The following CES5A variants were observed in gnomAD, a reference collection of about 807,000 sequenced individuals.
CES5A encodes carboxylesterase 5.
Under a neutral mutation model 62.9 loss-of-function variants are expected in CES5A, and 67 were observed. The ratio of observed to expected loss-of-function variants is 1.07; its 90% confidence interval spans 0.88 to 1.31. CES5A has a LOEUF of 1.31. CES5A is among the 50% of genes most tolerant of loss of function. CES5A has a pLI of 0.00. For missense variants in CES5A, 748 were observed against 708.5 expected (o/e 1.06, Z -0.63); for synonymous variants, 296 against 280.8 (o/e 1.05, Z -0.54).
At chr16:55,847,372 TTC>T (rs1190475876) in intron 11 of CES5A, among the ~76,000 whole-genome samples, 4 of 151,774 alleles carry the variant, frequency 2.6e-5, no homozygotes, top group South Asian at 2.1e-4. Flanking sequence ...TCTCTCTTGC[TTC>T]TCTCTCTTTT....
chr16:55,890,504 A>T (rs2033865346), intron 1 of CES5A, among the ~76,000 whole-genome samples: 1 of 152,166 alleles, frequency 6.6e-6, no homozygotes, highest in African/African-American at 2.4e-5. Flanking sequence ...AAAAGTAGGG[A>T]ATACTTCCAA....
chr16:55,955,303 A>C (rs1296048974), intron 1 of CES5A, among the ~76,000 whole-genome samples: 1 of 152,188 alleles, frequency 6.6e-6, no homozygotes, highest in Non-Finnish European at 1.5e-5. Context: ...AAATTTTTTT[A>C]ATAAGTAATT....
chr16:55,861,577 G>T (rs1597117371), intron 6 of CES5A, 61 bp from the exon 7 acceptor site: 2 of 1,209,562 alleles, frequency 1.7e-6, no homozygotes, highest in Non-Finnish European at 2.4e-6. Context: ...GAAAATGAAA[G>T]CTTGAAAATG....
chr16:55,910,774 C>T (rs1350678390), intron 1 of CES5A, among the ~76,000 whole-genome samples: 2 of 152,054 alleles, frequency 1.3e-5, no homozygotes, highest in Non-Finnish European at 2.9e-5. Flanking sequence ...TGCCTACATC[C>T]CCTTGGTGCC....
chr16:55,948,643 A>C (rs1458924886), intron 2 of CES5A, among the ~76,000 whole-genome samples: 1 of 152,166 alleles, frequency 6.6e-6, no homozygotes, highest in Admixed American at 6.5e-5. Flanking sequence ...TCCAAGCTTA[A>C]CTTTTCCCTT....
chr16:55,948,753 T>C (rs747142487), intron 2 of CES5A, among the ~76,000 whole-genome samples: 1 of 152,058 alleles, frequency 6.6e-6, no homozygotes, highest in African/African-American at 2.4e-5. Context: ...GACCTAGGGG[T>C]TGGCATTCCA....
At chr16:55,871,031 T>C (rs1290684015) in intron 3 of CES5A, among the ~76,000 whole-genome samples, 2 of 152,246 alleles carry the variant, frequency 1.3e-5, no homozygotes, top group East Asian at 1.9e-4. Flanking sequence ...TGGGTTAGCA[T>C]GGGAGTTAAA....
In CES5A at chr16:55,846,890, G is replaced by T. The variant is rs76427577; in HGVS notation, c.1424-50C>A. On this transcript the variant is annotated intron_variant, in intron 11 of 12. Transcript: ENST00000290567. ...TGCTGCTCTGGGTGAGGCTCGGGAA[G>T]CCCCGGGTGCCTTGTATTTGATTAA... 1.8e-3 allele frequency: 2,631 copies of T among 1,471,824 alleles called. 40 individuals carry two copies. In the African/African-American group the frequency reaches 0.033, roughly 18 times the overall value. 91.2% of individuals were successfully genotyped at this position (1,471,824 alleles called of 1,614,324 possible). A position where few individuals can be genotyped will look rare whatever the true frequency, so the allele number is the denominator to read the frequency against.
At chr16:55,933,196 T>C (rs1326758000) in intron 2 of CES5A, among the ~76,000 whole-genome samples, 1 of 152,090 alleles carries the variant, frequency 6.6e-6, no homozygotes, top group African/African-American at 2.4e-5. Flanking sequence ...CCAGGAAGTG[T>C]CATGTGTCAC....
At chr16:55,953,814 C>T (rs1478927435) in intron 1 of CES5A, among the ~76,000 whole-genome samples, 1 of 152,080 alleles carries the variant, frequency 6.6e-6, no homozygotes. Flanking sequence ...GATGTAGGCA[C>T]GCAATGTGTA....
At chr16:55,900,409 A>T (rs748091935) in intron 1 of CES5A, among the ~76,000 whole-genome samples, 3 of 152,222 alleles carry the variant, frequency 2.0e-5, no homozygotes, top group Non-Finnish European at 2.9e-5. Context: ...GCATGTGAGG[A>T]GTACATTGGG....
intron 1 of CES5A, among the ~76,000 whole-genome samples, chr16:55,909,092 C>T (rs1198698290): frequency 6.6e-6 from 1 of 152,160 alleles, no homozygotes; most frequent in Non-Finnish European, 1.5e-5. Flanking sequence ...TGTAACAAGC[C>T]CACAAAAGGG....
At chr16:55,857,185 G>C (rs2033259918) in intron 8 of CES5A, among the ~76,000 whole-genome samples, 1 of 152,166 alleles carries the variant, frequency 6.6e-6, no homozygotes, top group Non-Finnish European at 1.5e-5. Context: ...CAACAGCTGA[G>C]AACTTGGCAA....
At position 55,846,610 on chromosome 16, in the gene CES5A, C is replaced by G. The variant is rs2033016011; in HGVS notation, c.1569G>C (p.Leu523Phe). 1 of 1,614,030 alleles carries G rather than the reference C, an allele frequency of 6.2e-7. No homozygotes were observed. The highest frequency in any genetic ancestry group is 8.5e-7 in the Non-Finnish European group (1 of 1,180,032). The change falls in exon 13 of 13, where the codon TTG becomes TTC. Residue 523 changes from leucine (L) to phenylalanine (F), a missense_variant. By Grantham distance (22) the Leu-to-Phe change is conservative (BLOSUM62 0). Transcript: ENST00000290567. ...TGAGTCTCTGTCCGAGGCTCATGTT[C>G]AAGTCCAGCTGGAGGTACTGCTCAG... is the stretch of plus-strand genomic sequence containing the variant. ...NLTEQYLQLDLNMSLGQRLKE... is the reference protein window; with the variant it reads ...NLTEQYLQLDFNMSLGQRLKE...
chr16:55,872,463 T>C (rs16955839), intron 2 of CES5A, among the ~76,000 whole-genome samples: 7,010 of 152,296 alleles, frequency 0.046, 546 homozygotes, highest in African/African-American at 0.16. Flanking sequence ...GTGTGCATTA[T>C]CATCATCCCC....
At chr16:55,953,055 A>C (rs1405694887) in intron 1 of CES5A, among the ~76,000 whole-genome samples, 4 of 152,182 alleles carry the variant, frequency 2.6e-5, no homozygotes, top group African/African-American at 9.6e-5. Context: ...GGAGCAAAAA[A>C]CGGAAGAATA....
At chr16:55,867,855 G>A (rs1597122692) in intron 4 of CES5A, among the ~76,000 whole-genome samples, 1 of 152,316 alleles carries the variant, frequency 6.6e-6, no homozygotes, top group East Asian at 1.9e-4. Flanking sequence ...CAGAAAATAA[G>A]CATGTCATAT....
chr16:55,882,620 T>C (rs2033773446), intron 1 of CES5A, among the ~76,000 whole-genome samples: 1 of 152,224 alleles, frequency 6.6e-6, no homozygotes, highest in Non-Finnish European at 1.5e-5. Context: ...TGATCTGGAA[T>C]TTGGGCTAGA....
At chr16:55,880,225 C>T (rs1233106420), upstream of CES5A, among the ~76,000 whole-genome samples, 1 of 152,202 alleles carries the variant, frequency 6.6e-6, no homozygotes, top group African/African-American at 2.4e-5. Context: ...CCACCTGAAG[C>T]ATGGTTGGGC....
Sources: gnomAD v4.1 joint callset for allele counts (sites outside exome capture counted in the v4.1 genomes callset) on GRCh38, gnomAD v4.1.1 for gene constraint, MANE v1.5 for transcripts, NCBI Gene and HGNC (gene_info 2026-07-23, HGNC 2026-07-21) for gene names.